SLC30A10: variants seen among roughly 807,000 people sequenced by gnomAD.
The protein encoded by SLC30A10 is solute carrier family 30 member 10.
SLC30A10 carries 8 observed loss-of-function variants against 21.7 expected under a neutral mutation model. That is an observed-to-expected ratio of 0.37 (90% CI 0.22 to 0.67). The LOEUF is 0.67. SLC30A10 is among the 30% of genes least tolerant of loss of function. SLC30A10 has a pLI of 0.58. For missense variants in SLC30A10, 521 were observed against 642.5 expected (o/e 0.81, Z 2.04); for synonymous variants, 272 against 279.4 (o/e 0.97, Z 0.26).
In SLC30A10 at chr1:219,918,120, T is replaced by A; in HGVS notation, c.958+135A>T. 1 of 1,168,900 alleles carries A rather than the reference T, an allele frequency of 8.6e-7. No homozygotes were observed. Among genetic ancestry groups the A allele is most frequent in the Non-Finnish European group, 1.2e-6 (1 of 826,850 alleles). 72.4% of individuals were successfully genotyped at this position (1,168,900 alleles called of 1,614,324 possible). ...TCTTAATAGGCTATAAAACATATGA[T>A]GACATCTCTACCACCTGGTGATTTA... is the stretch of plus-strand genomic sequence containing the variant. On this transcript the variant is annotated intron_variant, in intron 3 of 3. Coordinates refer to ENST00000366926, the MANE Select transcript of SLC30A10 (RefSeq NM_018713.3). This position sits in a 1 kb window ranked among gnomAD's most constrained non-coding sequence, Gnocchi z 4.4.
At chr1:219,949,186 G>A (rs1455344948) in intron 1 of SLC30A10, among the ~76,000 whole-genome samples, 2 of 152,222 alleles carry the variant, frequency 1.3e-5, no homozygotes, top group African/African-American at 4.8e-5. Context: ...AACCCTTGTG[G>A]AAGTCAGCAT....
At chr1:219,956,441 C>T (rs920547814) in intron 1 of SLC30A10, among the ~76,000 whole-genome samples, 1 of 117,538 alleles carries the variant, frequency 8.5e-6, no homozygotes, top group Non-Finnish European at 1.9e-5. Flanking sequence ...TTGTACCTAT[C>T]ACTTATTTAA....
At chr1:219,952,639 A>G (rs940330208) in intron 1 of SLC30A10, among the ~76,000 whole-genome samples, 4 of 152,158 alleles carry the variant, frequency 2.6e-5, no homozygotes, top group Admixed American at 6.5e-5. Flanking sequence ...CTCTCTAGCT[A>G]ATTATTTTGT....
chr1:219,938,156 C>T (rs912370196), intron 1 of SLC30A10, among the ~76,000 whole-genome samples: 1 of 152,044 alleles, frequency 6.6e-6, no homozygotes, highest in East Asian at 1.9e-4. Flanking sequence ...GCACTTATAT[C>T]CAAATCTGCT....
chr1:219,947,419 G>A (rs546277075), intron 1 of SLC30A10, among the ~76,000 whole-genome samples: 98 of 152,212 alleles, frequency 6.4e-4, no homozygotes, highest in African/African-American at 2.2e-3. Flanking sequence ...TGTGGTCTTG[G>A]CTACTTAAGA....
intron 2 of SLC30A10, among the ~76,000 whole-genome samples, chr1:219,924,690 C>T (rs545418652): frequency 5.3e-5 from 8 of 152,326 alleles, no homozygotes; most frequent in African/African-American, 1.9e-4. Flanking sequence ...ATTGTATCCA[C>T]TCAGTAAGAT....
At chr1:219,926,883 G>C in intron 2 of SLC30A10, 145 bp downstream of exon 2, 1 of 631,468 alleles carries the variant, frequency 1.6e-6, no homozygotes, top group East Asian at 2.7e-5. Flanking sequence ...CAGTGATTAC[G>C]AAAGAGAGTT....
At chr1:219,957,210 G>C (rs1660364985) in intron 1 of SLC30A10, among the ~76,000 whole-genome samples, 1 of 152,004 alleles carries the variant, frequency 6.6e-6, no homozygotes, top group Non-Finnish European at 1.5e-5. Flanking sequence ...TAAAAATCTA[G>C]ACTCTAGTTT....
intron 1 of SLC30A10, among the ~76,000 whole-genome samples, chr1:219,949,253 C>A (rs1228039772): frequency 3.3e-5 from 5 of 152,100 alleles, no homozygotes; most frequent in African/African-American, 1.2e-4. Context: ...CATCCCATTA[C>A]TGGGTATATA....
chr1:219,932,705 CTTTTTT>C (rs58052957), upstream of SLC30A10, among the ~76,000 whole-genome samples: 3 of 64,888 alleles, frequency 4.6e-5, no homozygotes, highest in East Asian at 5.9e-4. Flanking sequence ...AGTAACCATT[CTTTTTT>C]TTTTTTTTTT....
intron 1 of SLC30A10, among the ~76,000 whole-genome samples, chr1:219,940,494 C>T (rs780886279): frequency 3.2e-4 from 48 of 152,206 alleles, no homozygotes; most frequent in Non-Finnish European, 3.2e-4. Flanking sequence ...CTATTTTATG[C>T]CAGTACATTT....
chr1:219,922,103 GC>G (rs1183843225), intron 2 of SLC30A10, among the ~76,000 whole-genome samples: 2 of 148,846 alleles, frequency 1.3e-5, no homozygotes, highest in Non-Finnish European at 1.5e-5. Flanking sequence ...ACAGATGTGT[GC>G]CACTGCACTG....
chr1:219,942,429 TAAAC>T (rs1314061526), intron 1 of SLC30A10, among the ~76,000 whole-genome samples: 5 of 151,998 alleles, frequency 3.3e-5, no homozygotes, highest in Admixed American at 3.3e-4. Context: ...AACAATCAAA[TAAAC>T]AAACAAAAAC....
chr1:219,941,688 T>TTC (rs148839566), intron 1 of SLC30A10, among the ~76,000 whole-genome samples: 9,073 of 133,882 alleles, frequency 0.068, 634 homozygotes, highest in African/African-American at 0.16. Context: ...CTTTCTCCCT[T>TTC]TCTCTCTCTC....
chr1:219,955,418 G>A (rs1051735112), intron 1 of SLC30A10, among the ~76,000 whole-genome samples: 9 of 152,122 alleles, frequency 5.9e-5, no homozygotes, highest in Admixed American at 5.9e-4. Flanking sequence ...AGACTTCCAA[G>A]TTTTCTCATC....
At chr1:219,927,721 G>C in intron 1 of SLC30A10, 80 bp downstream of exon 1, 1 of 1,278,660 alleles carries the variant, frequency 7.8e-7, no homozygotes, top group Non-Finnish European at 1.0e-6. Context: ...AGAAAAAGAG[G>C]GCGTGGGGTG....
At chr1:219,916,708 T>C (rs1158581080) in intron 3 of SLC30A10, among the ~76,000 whole-genome samples, 1 of 152,190 alleles carries the variant, frequency 6.6e-6, no homozygotes, top group Non-Finnish European at 1.5e-5. Context: ...TGGTATTCAG[T>C]GCTGATTTGA....
chr1:219,924,140 GA>G (rs1659761667), intron 2 of SLC30A10, among the ~76,000 whole-genome samples: 1 of 152,212 alleles, frequency 6.6e-6, no homozygotes, highest in Non-Finnish European at 1.5e-5. Context: ...AGAAAGTGAA[GA>G]AATTGTTTTT....
At chr1:219,956,988 A>C (rs565621399) in intron 1 of SLC30A10, among the ~76,000 whole-genome samples, 1 of 152,196 alleles carries the variant, frequency 6.6e-6, no homozygotes, top group Non-Finnish European at 1.5e-5. Flanking sequence ...TGTCAACACT[A>C]ATCATTTGAA....
Sources: allele counts gnomAD v4.1 joint callset (sites outside exome capture counted in the v4.1 genomes callset), GRCh38; gene constraint gnomAD v4.1.1; non-coding constraint Gnocchi (gnomAD v3.1); transcripts MANE v1.5; gene names NCBI Gene and HGNC (gene_info 2026-07-23, HGNC 2026-07-21).